The following ANKRD29 variants were observed in gnomAD, a reference collection of about 807,000 sequenced individuals.
ANKRD29 encodes ankyrin repeat domain 29.
In ANKRD29, 32 loss-of-function variants were observed where a neutral mutation model predicts 38.0. The observed-to-expected ratio is 0.84, with a 90% CI of 0.64 to 1.13. The LOEUF is 1.13. ANKRD29 is among the 50% of genes most tolerant of loss of function. ANKRD29 has a pLI of 0.00. For missense variants in ANKRD29, 357 were observed against 377.9 expected (o/e 0.94, Z 0.46); for synonymous variants, 135 against 152.4 (o/e 0.89, Z 0.84).
At chr18:23,614,228 A>AT (rs2059682370) in intron 8 of ANKRD29, among the ~76,000 whole-genome samples, 1 of 151,392 alleles carries the variant, frequency 6.6e-6, no homozygotes, top group Non-Finnish European at 1.5e-5. Context: ...CTCTTGGCTT[A>AT]TTTTTGTATT....
intron 9 of ANKRD29, among the ~76,000 whole-genome samples, chr18:23,611,490 C>T (rs4800497): frequency 7.2e-5 from 11 of 152,114 alleles, no homozygotes; most frequent in Admixed American, 2.0e-4. Flanking sequence ...TCAAGACCAG[C>T]CTGGCTAACA....
At chr18:23,659,529 G>A (rs146257233) in intron 1 of ANKRD29, among the ~76,000 whole-genome samples, 332 of 152,172 alleles carry the variant, frequency 2.2e-3, no homozygotes, top group African/African-American at 7.8e-3. Flanking sequence ...TGAATCACGA[G>A]GTCAAGAGAT....
At chr18:23,644,984 G>A (rs969079356) in intron 3 of ANKRD29, among the ~76,000 whole-genome samples, 1 of 152,204 alleles carries the variant, frequency 6.6e-6, no homozygotes, top group Non-Finnish European at 1.5e-5. Context: ...GCTCCACTCA[G>A]AGGTGACGGT....
intron 9 of ANKRD29, among the ~76,000 whole-genome samples, chr18:23,607,600 T>G (rs1442995444): frequency 2.0e-5 from 3 of 152,208 alleles, no homozygotes; most frequent in African/African-American, 7.2e-5. Context: ...TGTTGTCAAG[T>G]TTTGGTCATT....
At chr18:23,601,835 A>C (rs2145623594) in intron 9 of ANKRD29, among the ~76,000 whole-genome samples, 1 of 148,784 alleles carries the variant, frequency 6.7e-6, no homozygotes, top group South Asian at 2.2e-4. Flanking sequence ...ATGCTCGGCT[A>C]ATTTCCAGAG....
intron 1 of ANKRD29, among the ~76,000 whole-genome samples, chr18:23,661,914 T>C (rs1366401865): frequency 6.6e-6 from 1 of 152,022 alleles, no homozygotes; most frequent in Non-Finnish European, 1.5e-5. Context: ...GGCAACGGGA[T>C]TACAGTGGCT....
intron 1 of ANKRD29, 111 bp downstream of exon 1, chr18:23,662,599 G>A: frequency 2.6e-6 from 2 of 769,444 alleles, no homozygotes; most frequent in South Asian, 2.4e-5. Flanking sequence ...AGGAGGCGGC[G>A]GGCAGCGGGC....
intron 1 of ANKRD29, among the ~76,000 whole-genome samples, chr18:23,655,996 G>C (rs1015157733): frequency 6.7e-6 from 1 of 149,992 alleles, no homozygotes; most frequent in Non-Finnish European, 1.5e-5. Context: ...GGGAGGCTGA[G>C]GCAGGAGAAT....
At chr18:23,649,883 C>A (rs2060189139) in intron 1 of ANKRD29, among the ~76,000 whole-genome samples, 1 of 152,156 alleles carries the variant, frequency 6.6e-6, no homozygotes, top group African/African-American at 2.4e-5. Flanking sequence ...GCGTGCGCCA[C>A]CATGCCCAGC....
At chr18:23,602,783 A>G (rs899295991) in intron 9 of ANKRD29, among the ~76,000 whole-genome samples, 1 of 151,980 alleles carries the variant, frequency 6.6e-6, no homozygotes, top group Non-Finnish European at 1.5e-5. Flanking sequence ...ATTTTCAAAA[A>G]GAAAAAAAAA....
chr18:23,641,266 G>T (rs1046167023), intron 3 of ANKRD29, among the ~76,000 whole-genome samples: 2 of 152,218 alleles, frequency 1.3e-5, no homozygotes, highest in African/African-American at 4.8e-5. Flanking sequence ...GGCTGTGCGG[G>T]AGCAGCCATG....
At chr18:23,637,478 G>A (rs1049316915) in intron 4 of ANKRD29, among the ~76,000 whole-genome samples, 14 of 151,898 alleles carry the variant, frequency 9.2e-5, no homozygotes, top group Non-Finnish European at 1.9e-4. Flanking sequence ...GCTCATTGCC[G>A]CCTTGACCTC....
chr18:23,643,472 GATAA>G (rs1437280954), intron 3 of ANKRD29, among the ~76,000 whole-genome samples: 1 of 152,164 alleles, frequency 6.6e-6, no homozygotes, highest in South Asian at 2.1e-4. Context: ...TCTTTAGTAA[GATAA>G]ATAATTTGCT....
At position 23,637,944 on chromosome 18, in the gene ANKRD29, T is replaced by C. The variant is rs145829653; in HGVS notation, c.330+905A>G. On this transcript the variant is annotated intron_variant, in intron 4 of 9. Coordinates refer to ENST00000592179, the MANE Select transcript of ANKRD29 (RefSeq NM_173505.4). ...ACTGTCAACATGAAATTAATCTTTC[T>C]ACATTCTCAGCTTTCTTATCTATAT... Among the ~76,000 whole-genome samples, 427 of 151,420 alleles carry C rather than the reference T, an allele frequency of 2.8e-3. 1 individual carries two copies. The highest frequency in any genetic ancestry group is 9.9e-3 in the African/African-American group (409 of 41,366).
intron 5 of ANKRD29, 143 bp from the exon 6 acceptor site, chr18:23,630,094 G>C: frequency 1.5e-6 from 1 of 667,034 alleles, no homozygotes; most frequent in East Asian, 2.8e-5. Context: ...ATAGAGACCA[G>C]CCTGGCCAAT....
intron 6 of ANKRD29, among the ~76,000 whole-genome samples, chr18:23,623,682 G>A (rs996987059): frequency 3.3e-5 from 5 of 151,134 alleles, no homozygotes; most frequent in East Asian, 3.9e-4. Context: ...TTGCTCTGTC[G>A]CCCAGGCTGG....
intron 9 of ANKRD29, among the ~76,000 whole-genome samples, chr18:23,611,255 G>A (rs997043157): frequency 6.6e-5 from 10 of 152,132 alleles, no homozygotes; most frequent in Non-Finnish European, 1.3e-4. Context: ...TATGAACATC[G>A]AACTTATGGG....
chr18:23,615,943 A>C (rs1202571796), intron 8 of ANKRD29, among the ~76,000 whole-genome samples: 4 of 141,006 alleles, frequency 2.8e-5, no homozygotes, highest in Non-Finnish European at 3.1e-5. Context: ...TATAGTATAT[A>C]ATATATACAT....
intron 9 of ANKRD29, among the ~76,000 whole-genome samples, chr18:23,610,958 G>A (rs1376434151): frequency 6.6e-6 from 1 of 152,276 alleles, no homozygotes; most frequent in African/African-American, 2.4e-5. Context: ...GGGTTTACAG[G>A]AGTGGGCCTT....
Sources: gnomAD v4.1 joint callset for allele counts (sites outside exome capture counted in the v4.1 genomes callset) on GRCh38, gnomAD v4.1.1 for gene constraint, MANE v1.5 for transcripts, NCBI Gene and HGNC (gene_info 2026-07-23, HGNC 2026-07-21) for gene names.